Variants in KIF26B observed in about 807,000 individuals in gnomAD.
KIF26B encodes the protein kinesin family member 26B, also known as kinesin-like protein KIF26B.
A neutral mutation model predicts 151.2 loss-of-function variants in KIF26B; 63 were observed. The ratio of observed to expected loss-of-function variants is 0.42; its 90% confidence interval spans 0.34 to 0.51. The LOEUF (loss-of-function observed/expected upper bound fraction) is 0.51. KIF26B is among the 20% of genes least tolerant of loss of function. KIF26B has a pLI of 0.07. For synonymous variants in KIF26B, 1,357 were observed against 1,262.1 expected (o/e 1.08, Z -1.59); for missense variants, 2,813 against 2,913.6 (o/e 0.97, Z 0.79).
At chr1:245,430,388 G>C (rs1362121821) in intron 4 of KIF26B, among the ~76,000 whole-genome samples, 3 of 152,008 alleles carry the variant, frequency 2.0e-5, no homozygotes, top group African/African-American at 7.3e-5. Context: ...CAGCCAGGTG[G>C]TGCCATGGCT....
chr1:245,184,578 C>T (rs1365760057), intron 2 of KIF26B, among the ~76,000 whole-genome samples: 1 of 152,174 alleles, frequency 6.6e-6, no homozygotes, highest in African/African-American at 2.4e-5. Context: ...CAAATGTACT[C>T]ATCTGTCCTG....
intron 5 of KIF26B, among the ~76,000 whole-genome samples, chr1:245,556,701 G>GTTTTT (rs367572255): frequency 6.8e-6 from 1 of 146,866 alleles, no homozygotes; most frequent in East Asian, 2.0e-4. Context: ...TGCATCTGGT[G>GTTTTT]TTTTTGTTGT....
In KIF26B at chr1:245,244,756, T is replaced by TCACACACACACA. The variant is rs55638619; in HGVS notation, c.465+88098_465+88109dup. 0.055 allele frequency among the ~76,000 whole-genome samples: 7,907 copies of TCACACACACACA among 144,344 alleles called. 281 individuals are homozygous for TCACACACACACA. The highest frequency in any genetic ancestry group is 0.077 in the Non-Finnish European group (5,071 of 66,284). The allele number at this position is 144,344 out of a possible 152,430, so 94.7% of individuals were successfully genotyped here. A position where few individuals can be genotyped will look rare whatever the true frequency, so the allele number is the denominator to read the frequency against. On this transcript the variant is annotated intron_variant, in intron 2 of 14. Coordinates refer to ENST00000407071, the MANE Select transcript of KIF26B (RefSeq NM_018012.4). The surrounding 1 kb of genome is among the most constrained non-coding windows in gnomAD (Gnocchi z 4.2). Reference sequence around the variant, plus strand: ...AGAAGGAACACACAGACACGCACACTCACACACACACACACACACACACAC... The same window carrying TCACACACACACA: ...AGAAGGAACACACAGACACGCACACTCACACACACACACACACACACACACACACACACACAC...
In KIF26B at chr1:245,688,332, C is replaced by T. The variant is rs762002582; in HGVS notation, c.5349C>T (p.Ser1783=). Residue 1783 remains serine (S), a synonymous_variant, in exon 12 of 15, where the codon TCC becomes TCT. Coordinates refer to ENST00000407071, the MANE Select transcript of KIF26B (RefSeq NM_018012.4). ...CCGGTGGGAAGCACACGCCCTGGTC[C>T]ACGCAGTCCCTCAGCAGGAACAGGA... ...SPPGGKHTPW[S]TQSLSRNRSS... 1 of 1,591,176 alleles carries T rather than the reference C, an allele frequency of 6.3e-7. No individual in the cohort carries two copies. The highest frequency in any genetic ancestry group is 1.1e-5 in the South Asian group (1 of 89,518).
chr1:245,489,058 C>T (rs1466737669), intron 4 of KIF26B, among the ~76,000 whole-genome samples: 1 of 152,246 alleles, frequency 6.6e-6, no homozygotes, highest in South Asian at 2.1e-4. Flanking sequence ...ATTCTCATCT[C>T]TTCCAATCAC....
chr1:245,275,861 T>A (rs2102965531), intron 2 of KIF26B, among the ~76,000 whole-genome samples: 1 of 152,308 alleles, frequency 6.6e-6, no homozygotes, highest in Admixed American at 6.5e-5. Context: ...ACTCCTCTGC[T>A]TTTGGTTATT....
chr1:245,530,360 T>C (rs1436908887), intron 4 of KIF26B, among the ~76,000 whole-genome samples: 1 of 152,234 alleles, frequency 6.6e-6, no homozygotes, highest in African/African-American at 2.4e-5. Flanking sequence ...GAGGTCAGTA[T>C]ATCAAAGAGA....
rs12033772 is a variant in KIF26B, at chr1:245,207,421, A to G, written c.465+50738A>G. Reference sequence around the variant, plus strand: ...ACCCGATTGGCTAACTTGAAAGACAACTTTGGCGGGAAGAGCTGCCACAGC... The same window carrying G: ...ACCCGATTGGCTAACTTGAAAGACAGCTTTGGCGGGAAGAGCTGCCACAGC... On this transcript the variant is annotated intron_variant, in intron 2 of 14. Transcript: ENST00000407071. Among the ~76,000 whole-genome samples, 848 of 152,276 alleles carry G rather than the reference A, an allele frequency of 5.6e-3. 36 individuals are homozygous for G. The East Asian group carries it at 0.13, about 24-fold the overall frequency.
At chr1:245,406,718 C>T (rs1355510426) in intron 3 of KIF26B, among the ~76,000 whole-genome samples, 3 of 152,144 alleles carry the variant, frequency 2.0e-5, no homozygotes, top group East Asian at 1.9e-4. Context: ...ACATAAAGCA[C>T]GTATTCAATA....
At chr1:245,303,324 G>A (rs1044008112) in intron 2 of KIF26B, among the ~76,000 whole-genome samples, 6 of 146,964 alleles carry the variant, frequency 4.1e-5, no homozygotes, top group Non-Finnish European at 7.4e-5. Context: ...TCAGCCTCCC[G>A]AGTAGCTGGG....
chr1:245,275,033 G>A (rs1166002420), intron 2 of KIF26B, among the ~76,000 whole-genome samples: 1 of 152,190 alleles, frequency 6.6e-6, no homozygotes, highest in Non-Finnish European at 1.5e-5. Context: ...GGCGTGAGAT[G>A]GTATCTCATT....
chr1:245,275,390 TG>T (rs1486096589), intron 2 of KIF26B, among the ~76,000 whole-genome samples: 1 of 152,210 alleles, frequency 6.6e-6, no homozygotes, highest in African/African-American at 2.4e-5. Flanking sequence ...GTTTTAGTCA[TG>T]AAGTCCTTGC....
chr1:245,436,060 C>T (rs556035372), intron 4 of KIF26B, among the ~76,000 whole-genome samples: 9 of 151,864 alleles, frequency 5.9e-5, no homozygotes, highest in African/African-American at 1.4e-4. Context: ...ACCTGGAATC[C>T]GAGCGACTTG....
At chr1:245,547,250 T>G (rs1447302480) in intron 5 of KIF26B, among the ~76,000 whole-genome samples, 1 of 152,190 alleles carries the variant, frequency 6.6e-6, no homozygotes, top group Non-Finnish European at 1.5e-5. Flanking sequence ...TATTCTCCGT[T>G]AGAGGTTACT....
In KIF26B at chr1:245,156,732, G is replaced by T. The variant is rs184009471; in HGVS notation, c.465+49G>T. 1.3e-4 allele frequency: 163 copies of T among 1,258,084 alleles called. No homozygotes were observed. In the African/African-American group the frequency reaches 2.4e-3, roughly 19 times the overall value. The allele number at this position is 1,258,084 out of a possible 1,614,324, so 77.9% of individuals were successfully genotyped here. A position where few individuals can be genotyped will look rare whatever the true frequency, so the allele number is the denominator to read the frequency against. On this transcript the variant is annotated intron_variant, in intron 2 of 14. Transcript: ENST00000407071. The stretch of plus-strand genomic sequence containing the variant: ...GGGGAGGCGCCGGGAGGGCGGGGCC[G>T]GGCCGCCACCCACAGCAGCTGCTCA...
intron 2 of KIF26B, among the ~76,000 whole-genome samples, chr1:245,356,429 G>A (rs1341444365): frequency 6.6e-6 from 1 of 152,004 alleles, no homozygotes; most frequent in Non-Finnish European, 1.5e-5. Context: ...GGTGGCGGGC[G>A]CCTGTGATCC....
At position 245,328,642 on chromosome 1, in the gene KIF26B, C is replaced by A. The variant is rs763894395; in HGVS notation, c.466-38192C>A. On this transcript the variant is annotated intron_variant, in intron 2 of 14. Coordinates refer to ENST00000407071, the MANE Select transcript of KIF26B (RefSeq NM_018012.4). ...GCAAAGACCAGGGAATGTGGTGATG[C>A]CTTTAGTTGGTTTATAAAGGACTAG... is the stretch of plus-strand genomic sequence containing the variant. 5.3e-5 allele frequency among the ~76,000 whole-genome samples: 8 copies of A among 152,094 alleles called. No individual in the cohort carries two copies. The East Asian group carries it at 9.6e-4, about 18-fold the overall frequency.
chr1:245,189,938 C>T (rs894616281), intron 2 of KIF26B, among the ~76,000 whole-genome samples: 13 of 152,286 alleles, frequency 8.5e-5, no homozygotes, highest in Admixed American at 2.6e-4. Context: ...GAGGAGAACT[C>T]CTATGAGACC....
intron 5 of KIF26B, among the ~76,000 whole-genome samples, chr1:245,591,868 C>T (rs2043292026): frequency 1.3e-5 from 2 of 152,306 alleles, no homozygotes; most frequent in East Asian, 1.9e-4. Flanking sequence ...CCCACGCCTG[C>T]TAATTGGTGG....
Sources: gnomAD v4.1 joint callset for allele counts (sites outside exome capture counted in the v4.1 genomes callset) on GRCh38, gnomAD v4.1.1 for gene constraint, Gnocchi (gnomAD v3.1) non-coding constraint, MANE v1.5 for transcripts, NCBI Gene and HGNC (gene_info 2026-07-23, HGNC 2026-07-21) for gene names.